KCNQ3: variants seen among roughly 807,000 people sequenced by gnomAD.
KCNQ3 encodes potassium voltage-gated channel subfamily KQT member 3.
In KCNQ3, 30 loss-of-function variants were observed where a neutral mutation model predicts 92.5. The observed-to-expected ratio is 0.32, with a 90% CI of 0.24 to 0.44. KCNQ3 has a LOEUF of 0.44. Among genes scored for constraint, KCNQ3 ranks in the 20% least tolerant of loss-of-function variants. The pLI is 1.00. For missense variants in KCNQ3, 913 were observed against 1,140.3 expected, an observed-to-expected ratio of 0.80 and a Z score of 2.87; for synonymous variants, 450 against 468.8, an observed-to-expected ratio of 0.96 and a Z score of 0.52.
At chr8:132,323,328 C>A (rs1387636578) in intron 1 of KCNQ3, among the ~76,000 whole-genome samples, 1 of 152,176 alleles carries the variant, frequency 6.6e-6, no homozygotes, top group Non-Finnish European at 1.5e-5. Flanking sequence ...ATCCAGCCTG[C>A]CACCTGCATT....
chr8:132,465,114 A>G (rs139245657), intron 1 of KCNQ3, among the ~76,000 whole-genome samples: 1 of 152,366 alleles, frequency 6.6e-6, no homozygotes, highest in African/African-American at 2.4e-5. Flanking sequence ...TGACTTCCCC[A>G]GGAAACCAGA....
intron 1 of KCNQ3, among the ~76,000 whole-genome samples, chr8:132,394,386 C>CT (rs1820136285): frequency 6.6e-6 from 1 of 152,154 alleles, no homozygotes; most frequent in Admixed American, 6.5e-5. Context: ...TATGCAGACC[C>CT]TGGGAACATG....
chr8:132,436,892 G>A (rs1326704710), intron 1 of KCNQ3, among the ~76,000 whole-genome samples: 1 of 152,132 alleles, frequency 6.6e-6, no homozygotes, highest in African/African-American at 2.4e-5. Flanking sequence ...ACTCCAGGCA[G>A]CCCAGGTGTC....
At chr8:132,224,066 C>T (rs1012381300) in intron 1 of KCNQ3, among the ~76,000 whole-genome samples, 2 of 144,652 alleles carry the variant, frequency 1.4e-5, no homozygotes, top group Non-Finnish European at 3.0e-5. Context: ...CAGACACACA[C>T]CATCATGCCA....
chr8:132,151,289 G>C (rs544367169), intron 9 of KCNQ3, among the ~76,000 whole-genome samples: 1 of 152,286 alleles, frequency 6.6e-6, no homozygotes, highest in Non-Finnish European at 1.5e-5. Flanking sequence ...ATGTAATTGA[G>C]ACTACTGGAA....
At chr8:132,146,110 A>G (rs1418434500) in intron 9 of KCNQ3, among the ~76,000 whole-genome samples, 1 of 152,284 alleles carries the variant, frequency 6.6e-6, no homozygotes, top group Non-Finnish European at 1.5e-5. Flanking sequence ...TTTCAATTGT[A>G]TTCTAAGTGT....
intron 1 of KCNQ3, among the ~76,000 whole-genome samples, chr8:132,419,825 TC>T (rs1820917777): frequency 1.3e-5 from 2 of 152,144 alleles, no homozygotes; most frequent in African/African-American, 4.8e-5. Context: ...AACTGATAAG[TC>T]CTGTAATTGA....
chr8:132,419,404 T>C (rs551111772), intron 1 of KCNQ3, among the ~76,000 whole-genome samples: 1 of 152,342 alleles, frequency 6.6e-6, no homozygotes, highest in African/African-American at 2.4e-5. Context: ...ATACTGCTTT[T>C]AAGAGCATTA....
intron 1 of KCNQ3, among the ~76,000 whole-genome samples, chr8:132,381,905 A>G (rs1339514846): frequency 1.3e-5 from 2 of 152,250 alleles, no homozygotes; most frequent in East Asian, 3.9e-4. Context: ...AATGAACAGG[A>G]AACATCTTGA....
rs565358150 is a variant in KCNQ3, at chr8:132,127,884, C to G, written c.*1378G>C. On this transcript the variant is annotated 3_prime_UTR_variant, in exon 15 of 15. Transcript: ENST00000388996. ...TACATTTTAGCTTGTCTTACGGTTA[C>G]ATATGGTTTTAGTATTTTCATTTAA... 3.3e-5 allele frequency: 5 copies of G among 152,318 alleles called. No homozygotes were observed. In the East Asian group the frequency reaches 9.7e-4, roughly 29 times the overall value. The allele number at this position is 152,318 out of a possible 1,614,324, so 9.4% of individuals were successfully genotyped here.
At chr8:132,339,783 A>C (rs946254303) in intron 1 of KCNQ3, among the ~76,000 whole-genome samples, 3 of 152,190 alleles carry the variant, frequency 2.0e-5, no homozygotes. Flanking sequence ...AGTATTAGAA[A>C]GATTAGCTTC....
chr8:132,448,313 C>T (rs943902701), intron 1 of KCNQ3, among the ~76,000 whole-genome samples: 2 of 151,972 alleles, frequency 1.3e-5, no homozygotes, highest in Non-Finnish European at 2.9e-5. Flanking sequence ...CTCAGGCCTT[C>T]TTGATCTCCT....
At chr8:132,434,036 G>A (rs1426511966) in intron 1 of KCNQ3, among the ~76,000 whole-genome samples, 10 of 151,740 alleles carry the variant, frequency 6.6e-5, no homozygotes, top group Non-Finnish European at 1.2e-4. Flanking sequence ...GTGAAACCCC[G>A]TCTCTACTAA....
chr8:132,464,248 G>A (rs952772132), intron 1 of KCNQ3, among the ~76,000 whole-genome samples: 1 of 152,130 alleles, frequency 6.6e-6, no homozygotes, highest in African/African-American at 2.4e-5. Flanking sequence ...CGTTACAGAC[G>A]AGCAAACAGG....
intron 7 of KCNQ3, 152 bp from the exon 8 acceptor site, chr8:132,170,580 T>C: frequency 1.6e-6 from 1 of 642,158 alleles, no homozygotes; most frequent in Non-Finnish European, 2.8e-6. Context: ...GATTCTTGGC[T>C]TTTTGAAGCT....
At position 132,132,084 on chromosome 8, in the gene KCNQ3, T is replaced by A. The variant is rs1450392007; in HGVS notation, c.1884+96A>T. Reference sequence around the variant, plus strand: ...GCCTGGGCAACAGAGTGAACCTTCGTCTTAAAAAAAAAAAAGAAAGAAAGA... The same window carrying A: ...GCCTGGGCAACAGAGTGAACCTTCGACTTAAAAAAAAAAAAGAAAGAAAGA... On this transcript the variant is annotated intron_variant, in intron 14 of 14. Transcript: ENST00000388996. 7.9e-6 allele frequency: 7 copies of A among 886,130 alleles called. No individual in the cohort carries two copies. In the East Asian group the frequency reaches 1.6e-4, roughly 20 times the overall value. The allele number at this position is 886,130 out of a possible 1,614,324, so 54.9% of individuals were successfully genotyped here. A position where few individuals can be genotyped will look rare whatever the true frequency, so the allele number is the denominator to read the frequency against.
At position 132,180,036 on chromosome 8, in the gene KCNQ3, G is replaced by A. The variant is rs41272385; in HGVS notation, c.777+121C>T. On this transcript the variant is annotated intron_variant, in intron 4 of 14. Transcript: ENST00000388996. ...TCTCCTCCTCCTCTTCCTCTTTGTC[G>A]TTATCATCAAGGGTGGCAGAATGAC... 0.075 allele frequency: 83,271 copies of A among 1,112,348 alleles called. 3,798 individuals carry two copies. The highest frequency in any genetic ancestry group is 0.13 in the African/African-American group (8,693 of 65,570). The allele number at this position is 1,112,348 out of a possible 1,614,324, so 68.9% of individuals were successfully genotyped here. A position where few individuals can be genotyped will look rare whatever the true frequency, so the allele number is the denominator to read the frequency against.
In KCNQ3 at chr8:132,338,592, C is replaced by T. The variant is rs117125808; in HGVS notation, c.386+141555G>A. Among the ~76,000 whole-genome samples, 776 of 152,192 alleles carry T rather than the reference C, an allele frequency of 5.1e-3. 7 individuals carry two copies. The Middle Eastern group carries it at 0.051, about 10-fold the overall frequency. On this transcript the variant is annotated intron_variant, in intron 1 of 14. Coordinates refer to ENST00000388996, the MANE Select transcript of KCNQ3 (RefSeq NM_004519.4). ...GCTCTTTGGAAGCTGGTGGTTTGAC[C>T]GTGGTGTTCAGAGGGAAGCCGAGGG...
At chr8:132,171,390 G>A (rs548537646) in intron 7 of KCNQ3, among the ~76,000 whole-genome samples, 1 of 152,170 alleles carries the variant, frequency 6.6e-6, no homozygotes, top group African/African-American at 2.4e-5. Flanking sequence ...ACAGGCAGCT[G>A]TAGACAGGAC....
Sources: gnomAD v4.1 joint callset for allele counts (sites outside exome capture counted in the v4.1 genomes callset) on GRCh38, gnomAD v4.1.1 for gene constraint, MANE v1.5 for transcripts, NCBI Gene and HGNC (gene_info 2026-07-23, HGNC 2026-07-21) for gene names.